The following ROBO2 variants were observed in gnomAD, a reference collection of about 807,000 sequenced individuals.
ROBO2 encodes the protein roundabout guidance receptor 2.
A neutral mutation model predicts 160.8 loss-of-function variants in ROBO2; 53 were observed. That is an observed-to-expected ratio of 0.33 (90% CI 0.26 to 0.41). The LOEUF is 0.41. Ranked by LOEUF, ROBO2 falls within the 10% of genes least tolerant of loss-of-function variation. ROBO2 has a pLI of 1.00. For synonymous variants in ROBO2, 664 were observed against 611.7 expected, an observed-to-expected ratio of 1.09 and a Z score of -1.26; for missense variants, 1,577 against 1,722.4, an observed-to-expected ratio of 0.92 and a Z score of 1.49.
intron 2 of ROBO2, among the ~76,000 whole-genome samples, chr3:76,816,112 C>T (rs1197683566): frequency 6.6e-6 from 1 of 152,022 alleles, no homozygotes; most frequent in African/African-American, 2.4e-5. Context: ...ATGTGTTATC[C>T]TCTTCGCTAC....
In ROBO2 at chr3:77,576,760, C is replaced by G. The variant is rs559591473; in HGVS notation, c.2204-730C>G. ...CATGAACTGTTTTCATTTTTATCAT[C>G]AGAGTCCCTTGCCCATCCATATAAT... is the stretch of plus-strand genomic sequence containing the variant. On this transcript the variant is annotated intron_variant, in intron 14 of 25. Coordinates refer to ENST00000461745, the Ensembl canonical transcript of ROBO2. Among the ~76,000 whole-genome samples the G allele has an allele frequency of 3.7e-4, 57 of 152,238 alleles. No homozygotes were observed. The South Asian group carries it at 0.011, about 30-fold the overall frequency.
intron 2 of ROBO2, among the ~76,000 whole-genome samples, chr3:76,151,771 T>C (rs904680583): frequency 1.3e-5 from 2 of 152,164 alleles, no homozygotes; most frequent in African/African-American, 4.8e-5. Flanking sequence ...ACAAAACCTT[T>C]CCTGATCAAC....
At chr3:76,185,462 G>T (rs529578897) in intron 2 of ROBO2, among the ~76,000 whole-genome samples, 39 of 151,920 alleles carry the variant, frequency 2.6e-4, no homozygotes, top group African/African-American at 8.9e-4. Context: ...GGAGCATTTT[G>T]CAATTATGCA....
rs150942179 is a variant in ROBO2 at position 77,008,518 on chromosome 3, C to T, written c.110-89496C>T. 3.0e-4 allele frequency among the ~76,000 whole-genome samples: 46 copies of T among 152,192 alleles called. 1 individual carries two copies. The East Asian group carries it at 7.3e-3, about 24-fold the overall frequency. On this transcript the variant is annotated intron_variant, in intron 2 of 26. Coordinates refer to the ROBO2 transcript ENST00000487694. ...GATGAGGGAGAAATATACGACAATA[C>T]TAACTCCAGGTTTGTTTCCTTTGTG...
intron 2 of ROBO2, among the ~76,000 whole-genome samples, chr3:77,252,832 A>AAAAAAAAAAAAAAAC (rs2090529426): frequency 3.8e-5 from 1 of 26,252 alleles, no homozygotes; most frequent in African/African-American, 1.2e-4. Context: ...AAAAAAAAAA[A>AAAAAAAAAAAAAAAC]TATATATATA....
At chr3:77,228,307 C>A (rs1456603669) in intron 2 of ROBO2, among the ~76,000 whole-genome samples, 1 of 151,988 alleles carries the variant, frequency 6.6e-6, no homozygotes, top group Non-Finnish European at 1.5e-5. Flanking sequence ...GCTGGGACTA[C>A]AGGCAAACAC....
chr3:76,451,532 T>G (rs2077473999), intron 2 of ROBO2, among the ~76,000 whole-genome samples: 1 of 152,178 alleles, frequency 6.6e-6, no homozygotes, highest in Admixed American at 6.6e-5. Flanking sequence ...TTTAAAATTT[T>G]GCTGGGCAAA....
intron 2 of ROBO2, among the ~76,000 whole-genome samples, chr3:76,543,405 G>A (rs752095411): frequency 1.2e-4 from 19 of 152,062 alleles, no homozygotes; most frequent in Non-Finnish European, 2.6e-4. Context: ...GTCCATGTAA[G>A]GACACAGCAG....
At chr3:77,236,000 G>A (rs906059355) in intron 2 of ROBO2, among the ~76,000 whole-genome samples, 4 of 152,208 alleles carry the variant, frequency 2.6e-5, no homozygotes, top group African/African-American at 9.7e-5. Flanking sequence ...AATATTTGAA[G>A]AGATTTATTC....
At chr3:77,291,813 C>T (rs577915257) in intron 2 of ROBO2, among the ~76,000 whole-genome samples, 1 of 149,780 alleles carries the variant, frequency 6.7e-6, no homozygotes, top group South Asian at 2.1e-4. Context: ...ACAGTAAAGG[C>T]ATAAAGTAAA....
At chr3:77,128,435 C>T (rs765050445) in intron 2 of ROBO2, among the ~76,000 whole-genome samples, 2 of 152,094 alleles carry the variant, frequency 1.3e-5, no homozygotes, top group South Asian at 2.1e-4. Flanking sequence ...TGGGGGTTTT[C>T]GAATGTATCC....
intron 2 of ROBO2, among the ~76,000 whole-genome samples, chr3:76,639,202 A>C (rs2109637412): frequency 6.6e-6 from 1 of 152,212 alleles, no homozygotes; most frequent in Middle Eastern, 3.4e-3. Context: ...ATATGTATCT[A>C]TAAGCATGTA....
chr3:76,005,902 T>C (rs751004154), intron 2 of ROBO2, among the ~76,000 whole-genome samples: 8 of 152,172 alleles, frequency 5.3e-5, no homozygotes, highest in Non-Finnish European at 1.2e-4. Context: ...TTTCAGTATT[T>C]TACATAACCT....
chr3:76,545,728 T>C (rs2083059508), intron 2 of ROBO2, among the ~76,000 whole-genome samples: 1 of 151,968 alleles, frequency 6.6e-6, no homozygotes. Context: ...GAGTATATTT[T>C]GTATTTTCTT....
Position 76,642,411 on chromosome 3 carries a change from G to A in ROBO2, c.110-455603G>A, listed in dbSNP as rs185978197. Among the ~76,000 whole-genome samples the A allele has an allele frequency of 2.8e-3, 347 of 126,178 alleles. 2 individuals are homozygous for A. Among genetic ancestry groups the A allele is most frequent in the South Asian group, 4.2e-3 (16 of 3,788 alleles). The allele number at this position is 126,178 out of a possible 152,430, so 82.8% of individuals were successfully genotyped here. On this transcript the variant is annotated intron_variant, in intron 2 of 26. Coordinates refer to the ROBO2 transcript ENST00000487694. ...TCTGTCGCCCAGGCTGGAGTGTAAT[G>A]GCGTGATCTCAATTCACTGCAAATT...
chr3:77,236,879 C>G (rs1409643534), intron 2 of ROBO2, among the ~76,000 whole-genome samples: 1 of 152,062 alleles, frequency 6.6e-6, no homozygotes, highest in Non-Finnish European at 1.5e-5. Flanking sequence ...ATAACCATTC[C>G]TTTGAGACAA....
chr3:77,580,439 A>T (rs1583074085), intron 16 of ROBO2, among the ~76,000 whole-genome samples: 1 of 152,296 alleles, frequency 6.6e-6, no homozygotes, highest in African/African-American at 2.4e-5. Flanking sequence ...TGAGATAGTT[A>T]CTGAAGAGAG....
chr3:75,958,185 C>A (rs1019476751), intron 2 of ROBO2, among the ~76,000 whole-genome samples: 3 of 151,732 alleles, frequency 2.0e-5, no homozygotes, highest in African/African-American at 7.3e-5. Context: ...TTGCTATAAA[C>A]CTAATGAGTT....
At chr3:77,124,730 T>C (rs529879152) in intron 2 of ROBO2, among the ~76,000 whole-genome samples, 1 of 152,240 alleles carries the variant, frequency 6.6e-6, no homozygotes, top group East Asian at 1.9e-4. Flanking sequence ...AAACTAAGTA[T>C]ACAACTTGTT....
Sources: gnomAD v4.1 joint callset for allele counts (sites outside exome capture counted in the v4.1 genomes callset) on GRCh38, gnomAD v4.1.1 for gene constraint, MANE v1.5 for transcripts, NCBI Gene and HGNC (gene_info 2026-07-23, HGNC 2026-07-21) for gene names.